RFX7: variants seen among roughly 807,000 people sequenced by gnomAD.
The protein encoded by RFX7 is DNA-binding protein RFX7.
A neutral mutation model predicts 111.8 loss-of-function variants in RFX7; 26 were observed. That is an observed-to-expected ratio of 0.23 (90% CI 0.17 to 0.32). RFX7 has a LOEUF of 0.32. Among genes scored for constraint, RFX7 ranks in the 10% least tolerant of loss-of-function variants. The pLI is 1.00. For synonymous variants in RFX7, 624 were observed against 624.4 expected (o/e 1.00, Z 0.01); for missense variants, 1,573 against 1,772.9 (o/e 0.89, Z 2.02).
At position 56,087,522 on chromosome 15, in the gene RFX7, A is replaced by G. The variant is rs1363073727; in HGVS notation, c.*5823T>C. ...AAGGACAAGAACACTGCAAAGAAGT[A>G]GCACCCAAACCTTTTGGTTACATCT... is the stretch of plus-strand genomic sequence containing the variant. On this transcript the variant is annotated 3_prime_UTR_variant, in exon 10 of 10. Transcript: ENST00000559447. 8.8e-6 allele frequency: 4 copies of G among 456,752 alleles called. No individual in the cohort carries two copies. Among genetic ancestry groups the G allele is most frequent in the South Asian group, 6.2e-5 (4 of 64,568 alleles). The allele number at this position is 456,752 out of a possible 1,614,324, so 28.3% of individuals were successfully genotyped here.
rs564837548 is a variant in RFX7, at chr15:56,106,832, T to G, written c.402-3162A>C. Among the ~76,000 whole-genome samples, 25 of 152,298 alleles carry G rather than the reference T, an allele frequency of 1.6e-4. No homozygotes were observed. In the East Asian group the frequency reaches 4.6e-3, roughly 28 times the overall value. ...AAACCATTGGTCATTCCAGGCCATG[T>G]GGAGATCTTGGTTAGTTTACATCTC... On this transcript the variant is annotated intron_variant, in intron 5 of 9. Coordinates refer to ENST00000559447, the MANE Select transcript of RFX7 (RefSeq NM_022841.7).
intron 3 of RFX7, among the ~76,000 whole-genome samples, chr15:56,151,134 C>A (rs1414473765): frequency 6.6e-6 from 1 of 152,128 alleles, no homozygotes; most frequent in Non-Finnish European, 1.5e-5. Context: ...TTGGAAAACA[C>A]TCTTCAGGAT....
intron 2 of RFX7, among the ~76,000 whole-genome samples, chr15:56,204,720 A>G (rs1361845610): frequency 6.6e-6 from 1 of 152,200 alleles, no homozygotes; most frequent in Non-Finnish European, 1.5e-5. Flanking sequence ...AATGGAATAT[A>G]GTATGAGTGT....
At chr15:56,098,424 G>T in intron 8 of RFX7, 48 bp from the exon 9 acceptor site, 1 of 1,502,830 alleles carries the variant, frequency 6.7e-7, no homozygotes, top group Non-Finnish European at 8.9e-7. Flanking sequence ...CTCCTTTATA[G>T]AAGGGAGGTT....
chr15:56,204,275 T>C (rs1391725715), intron 2 of RFX7, among the ~76,000 whole-genome samples: 1 of 152,146 alleles, frequency 6.6e-6, no homozygotes, highest in Admixed American at 6.5e-5. Context: ...CACCTTGGCC[T>C]CCCAAAGTGT....
chr15:56,124,486 T>C lies in RFX7; in HGVS notation c.401+18292A>G, dbSNP rs534442734. Among the ~76,000 whole-genome samples, 6 of 152,002 alleles carry C rather than the reference T, an allele frequency of 3.9e-5. No individual in the cohort carries two copies. In the East Asian group the frequency reaches 1.2e-3, roughly 29 times the overall value. ...CTGTACTTTACATTCCCACCAACAG[T>C]GTGTAAGTGTTCCCTTTTCTTTGCA... On this transcript the variant is annotated intron_variant, in intron 5 of 9. Transcript: ENST00000559447.
chr15:56,142,427 T>C (rs1239210819), intron 5 of RFX7, among the ~76,000 whole-genome samples: 1 of 142,448 alleles, frequency 7.0e-6, no homozygotes, highest in African/African-American at 3.1e-5. Flanking sequence ...TATGTATTGA[T>C]TTATTTATTG....
Position 56,222,803 on chromosome 15 carries a change from G to T in RFX7, c.161+20322C>A, listed in dbSNP as rs889309652. Among the ~76,000 whole-genome samples the T allele has an allele frequency of 5.3e-5, 8 of 152,072 alleles. No individual in the cohort carries two copies. In the South Asian group the frequency reaches 1.2e-3, roughly 24 times the overall value. The stretch of plus-strand genomic sequence containing the variant: ...AATTCCATGTCTCTGTCATCTCTGG[G>T]TCTATTTCTATTTTTTTCCCTATAG... On this transcript the variant is annotated intron_variant, in intron 2 of 9. Coordinates refer to ENST00000559447, the MANE Select transcript of RFX7 (RefSeq NM_022841.7).
At chr15:56,124,676 A>G (rs2042120425) in intron 5 of RFX7, among the ~76,000 whole-genome samples, 1 of 152,200 alleles carries the variant, frequency 6.6e-6, no homozygotes, top group African/African-American at 2.4e-5. Context: ...ATGTCTACTC[A>G]TGTCCTTTGC....
At position 56,096,105 on chromosome 15, in the gene RFX7, G is replaced by C; in HGVS notation, c.1623C>G (p.Pro541=). The change falls in exon 10 of 10, where the codon CCC becomes CCG. Residue 541 remains proline (P), a synonymous_variant. Coordinates refer to ENST00000559447, the MANE Select transcript of RFX7 (RefSeq NM_022841.7). ...GTSAVEVKVE[P]ETSSDEHPVQ... Reference sequence around the variant, plus strand: ...CAGGATGCTCATCTGATGATGTTTCGGGTTCCACTTTGACTTCCACAGCAG... The same window carrying C: ...CAGGATGCTCATCTGATGATGTTTCCGGTTCCACTTTGACTTCCACAGCAG... 6.2e-7 allele frequency: 1 copy of C among 1,613,612 alleles called. No individual in the cohort carries two copies. Among genetic ancestry groups the C allele is most frequent in the South Asian group, 1.1e-5 (1 of 91,006 alleles).
chr15:56,215,037 C>T (rs1245354658), intron 2 of RFX7, among the ~76,000 whole-genome samples: 1 of 152,138 alleles, frequency 6.6e-6, no homozygotes, highest in Non-Finnish European at 1.5e-5. Context: ...CTAATACGTA[C>T]AATTGTCCCT....
chr15:56,187,209 GA>G (rs1222707305), intron 2 of RFX7, among the ~76,000 whole-genome samples: 1 of 148,364 alleles, frequency 6.7e-6, no homozygotes, highest in Non-Finnish European at 1.5e-5. Flanking sequence ...TGTACTGGTA[GA>G]ATTTTTTTTT....
Position 56,088,091 on chromosome 15 carries a change from A to AT in RFX7, c.*5253dup. 4.5e-6 allele frequency: 1 copy of AT among 219,794 alleles called. No homozygotes were observed. The highest frequency in any genetic ancestry group is 9.5e-6 in the Non-Finnish European group (1 of 105,362). 13.6% of individuals were successfully genotyped at this position (219,794 alleles called of 1,614,324 possible). ...ATAAAAATGAAAAAGAATTGTTGAC[A>AT]TATAAGGATGGGAGGTTAAATAAAG... On this transcript the variant is annotated 3_prime_UTR_variant, in exon 10 of 10. Coordinates refer to ENST00000559447, the MANE Select transcript of RFX7 (RefSeq NM_022841.7).
chr15:56,243,384 G>C, intron 1 of RFX7, 61 bp downstream of exon 1: 1 of 885,290 alleles, frequency 1.1e-6, no homozygotes, highest in South Asian at 1.9e-5. Context: ...AGAGGAGGAG[G>C]GGGAGGGGGA....
At chr15:56,166,599 T>C (rs1358928476) in intron 3 of RFX7, among the ~76,000 whole-genome samples, 1 of 152,212 alleles carries the variant, frequency 6.6e-6, no homozygotes, top group East Asian at 1.9e-4. Context: ...ATAACACCAG[T>C]TTCATGAGAA....
intron 3 of RFX7, among the ~76,000 whole-genome samples, chr15:56,150,729 C>T (rs1396743668): frequency 1.3e-5 from 2 of 152,106 alleles, no homozygotes; most frequent in Non-Finnish European, 2.9e-5. Flanking sequence ...GAAGAACTGA[C>T]AAAAGTAGGC....
chr15:56,142,414 C>T (rs1315433116), intron 5 of RFX7, among the ~76,000 whole-genome samples: 1 of 151,070 alleles, frequency 6.6e-6, no homozygotes, highest in African/African-American at 2.5e-5. Flanking sequence ...TTTAGTTTCG[C>T]CTTATGTATT....
At chr15:56,241,654 T>C (rs2141249120) in intron 2 of RFX7, among the ~76,000 whole-genome samples, 1 of 152,256 alleles carries the variant, frequency 6.6e-6, no homozygotes, top group South Asian at 2.1e-4. Flanking sequence ...TCACCATCTC[T>C]TCTTTTAAAT....
chr15:56,210,145 G>T (rs2043297380), intron 2 of RFX7, among the ~76,000 whole-genome samples: 1 of 151,972 alleles, frequency 6.6e-6, no homozygotes, highest in Admixed American at 6.6e-5. Flanking sequence ...AAAAAGATAT[G>T]TCATGCTAAT....
Sources: gnomAD v4.1 joint callset for allele counts (sites outside exome capture counted in the v4.1 genomes callset) on GRCh38, gnomAD v4.1.1 for gene constraint, MANE v1.5 for transcripts, NCBI Gene and HGNC (gene_info 2026-07-23, HGNC 2026-07-21) for gene names.